The following SUSD1 variants were observed in gnomAD, a reference collection of about 807,000 sequenced individuals.
SUSD1 encodes sushi domain-containing protein 1.
In SUSD1, 65 loss-of-function variants were observed where a neutral mutation model predicts 86.9. The ratio of observed to expected loss-of-function variants is 0.75; its 90% CI spans 0.61 to 0.92. The LOEUF (loss-of-function observed/expected upper bound fraction) is 0.92. Ranked by LOEUF, SUSD1 falls within the 40% of genes least tolerant of loss-of-function variation. The probability of loss-of-function intolerance (pLI) is 0.00; values close to 1 mark genes in which losing one functional copy is unlikely to be tolerated. For synonymous variants in SUSD1, 346 were observed against 350.0 expected, an observed-to-expected ratio of 0.99 and a Z score of 0.13; for missense variants, 850 against 929.7, an observed-to-expected ratio of 0.91 and a Z score of 1.11.
chr9:112,115,661 T>G (rs1831281095), intron 6 of SUSD1, among the ~76,000 whole-genome samples: 2 of 151,328 alleles, frequency 1.3e-5, no homozygotes, highest in Non-Finnish European at 2.9e-5. Flanking sequence ...ACAAAAAAAT[T>G]AGCCAAGCGT....
In SUSD1 at chr9:112,112,842, A is replaced by G; in HGVS notation, c.913T>C (p.Ser305Pro). ...TEILTKINDVSLFNDTCVRWQ... is the reference protein window; with the variant it reads ...TEILTKINDVPLFNDTCVRWQ... ...CTCACACAGGTATCATTAAACAGTG[A>G]TACATCATTAATCTTTGTCAGAATT... Residue 305 changes from serine to proline, a missense_variant, in exon 7 of 17, where the codon TCA becomes CCA. By Grantham distance (74) the Ser-to-Pro change is moderately conservative (BLOSUM62 -1). Transcript: ENST00000374270. The G allele has an allele frequency of 6.2e-7, 1 of 1,612,622 alleles. No homozygotes were observed. Among genetic ancestry groups the G allele is most frequent in the Non-Finnish European group, 8.5e-7 (1 of 1,178,708 alleles).
At chr9:112,116,436 T>G (rs1475555664) in intron 6 of SUSD1, among the ~76,000 whole-genome samples, 1 of 152,248 alleles carries the variant, frequency 6.6e-6, no homozygotes, top group African/African-American at 2.4e-5. Flanking sequence ...GCCCTTTTAA[T>G]GGAGACTATA....
intron 10 of SUSD1, among the ~76,000 whole-genome samples, chr9:112,094,795 G>A (rs78490364): frequency 0.044 from 6,717 of 152,222 alleles, 502 homozygotes; most frequent in African/African-American, 0.15. Context: ...AGAACTCTTC[G>A]TTTCTTCCTT....
At chr9:112,079,978 T>G (rs1474316499) in intron 11 of SUSD1, 96 bp downstream of exon 11, 2 of 827,720 alleles carry the variant, frequency 2.4e-6, no homozygotes, top group African/African-American at 3.4e-5. Context: ...CTACTGATAA[T>G]GATAGTTATA....
At chr9:112,053,807 C>G (rs1476912684) in intron 14 of SUSD1, among the ~76,000 whole-genome samples, 1 of 152,132 alleles carries the variant, frequency 6.6e-6, no homozygotes, top group Non-Finnish European at 1.5e-5. Context: ...TTATAAAACT[C>G]ATGCTGGCAG....
intron 15 of SUSD1, chr9:112,042,259 A>C: frequency 1.8e-6 from 2 of 1,137,086 alleles, no homozygotes; most frequent in Non-Finnish European, 2.5e-6. Flanking sequence ...AACGTGTTAC[A>C]TTTTTTGTTG....
chr9:112,097,674 C>T (rs916085710), intron 10 of SUSD1, among the ~76,000 whole-genome samples: 1 of 152,064 alleles, frequency 6.6e-6, no homozygotes, highest in South Asian at 2.1e-4. Context: ...GCTGGGATTA[C>T]AGTCGTGAGC....
intron 9 of SUSD1, among the ~76,000 whole-genome samples, chr9:112,099,547 T>C (rs1830539459): frequency 6.6e-6 from 1 of 152,206 alleles, no homozygotes; most frequent in South Asian, 2.1e-4. Context: ...AAAAGGGCTT[T>C]TGATCCATGG....
chr9:112,119,208 C>T (rs1470895097), intron 6 of SUSD1, among the ~76,000 whole-genome samples: 3 of 152,214 alleles, frequency 2.0e-5, no homozygotes, highest in Admixed American at 2.0e-4. Flanking sequence ...GCATTAAGGT[C>T]CCTAGCTGAG....
At chr9:112,122,535 T>C (rs1349667651) in intron 6 of SUSD1, among the ~76,000 whole-genome samples, 1 of 84,564 alleles carries the variant, frequency 1.2e-5, no homozygotes, top group Non-Finnish European at 2.2e-5. Flanking sequence ...CCTCAAGTGA[T>C]CCACTGCCTC....
At chr9:112,108,792 GAAAA>G (rs1380642660) in intron 8 of SUSD1, among the ~76,000 whole-genome samples, 3 of 66,622 alleles carry the variant, frequency 4.5e-5, no homozygotes, top group East Asian at 4.1e-4. Flanking sequence ...AAAAAAAAAA[GAAAA>G]AAAAGAAAGA....
At chr9:112,121,412 A>G (rs537990144) in intron 6 of SUSD1, among the ~76,000 whole-genome samples, 1 of 152,290 alleles carries the variant, frequency 6.6e-6, no homozygotes, top group Non-Finnish European at 1.5e-5. Flanking sequence ...GTAAAACATT[A>G]TATGTGTATG....
intron 6 of SUSD1, among the ~76,000 whole-genome samples, chr9:112,123,251 G>A (rs1023637095): frequency 1.4e-4 from 21 of 152,180 alleles, no homozygotes; most frequent in African/African-American, 1.2e-4. Flanking sequence ...GTTGACAATC[G>A]TGGCAGAAGG....
chr9:112,121,050 AC>A (rs1379241832), intron 6 of SUSD1, among the ~76,000 whole-genome samples: 1 of 152,212 alleles, frequency 6.6e-6, no homozygotes, highest in Non-Finnish European at 1.5e-5. Context: ...GGTTGGAGTG[AC>A]CATCAGTCTA....
chr9:112,128,706 A>G (rs78534233), intron 5 of SUSD1, among the ~76,000 whole-genome samples: 5,905 of 152,292 alleles, frequency 0.039, 392 homozygotes, highest in African/African-American at 0.14. Context: ...TGACACATAC[A>G]TTAAGACCTG....
chr9:112,150,171 T>G (rs998439939), intron 2 of SUSD1, among the ~76,000 whole-genome samples: 5 of 152,144 alleles, frequency 3.3e-5, no homozygotes, highest in African/African-American at 1.2e-4. Context: ...AGACAACAGG[T>G]AAACTACCAA....
At chr9:112,058,397 A>G in intron 14 of SUSD1, 31 bp downstream of exon 14, 1 of 1,596,994 alleles carries the variant, frequency 6.3e-7, no homozygotes, top group African/African-American at 1.3e-5. Flanking sequence ...AAGAAAATAC[A>G]GAGTTCACAA....
intron 5 of SUSD1, among the ~76,000 whole-genome samples, chr9:112,125,389 T>C (rs1356750850): frequency 6.6e-6 from 1 of 152,152 alleles, no homozygotes; most frequent in Non-Finnish European, 1.5e-5. Context: ...AGCAGTGAGT[T>C]GAAGGGAAGA....
chr9:112,078,673 T>A lies in SUSD1; in HGVS notation c.1618A>T (p.Thr540Ser). 6.2e-7 allele frequency: 1 copy of A among 1,613,810 alleles called. No homozygotes were observed. Among genetic ancestry groups the A allele is most frequent in the Non-Finnish European group, 8.5e-7 (1 of 1,179,780 alleles). Reference sequence around the variant, plus strand: ...CGGCTGCTGCTACTGATATTAAAGGTCATTTCCTGGGCAAATTCCTTCTGA... The same window carrying A: ...CGGCTGCTGCTACTGATATTAAAGGACATTTCCTGGGCAAATTCCTTCTGA... ...WYQKEFAQEM[T>S]FNISSSSRDP... is the part of the protein sequence containing the mutation. The change falls in exon 12 of 17, where the codon ACC (threonine) becomes TCC (serine). Residue 540 changes from threonine to serine, a missense_variant. By Grantham distance (58) the Thr-to-Ser change is moderately conservative (BLOSUM62 1). Transcript: ENST00000374270.
Sources: gnomAD v4.1 joint callset for allele counts (sites outside exome capture counted in the v4.1 genomes callset) on GRCh38, gnomAD v4.1.1 for gene constraint, MANE v1.5 for transcripts, NCBI Gene and HGNC (gene_info 2026-07-23, HGNC 2026-07-21) for gene names.